PPP3CA: variants seen among roughly 807,000 people sequenced by gnomAD.
PPP3CA encodes protein phosphatase 3 catalytic subunit alpha, also known as CAM-PRP catalytic subunit.
A neutral mutation model predicts 66.5 loss-of-function variants in PPP3CA; 14 were observed. That is an observed-to-expected ratio of 0.21 (90% CI 0.14 to 0.33). The LOEUF (loss-of-function observed/expected upper bound fraction) is 0.33, where lower values mean the gene tolerates loss of function less well. Ranked by LOEUF, PPP3CA falls within the 10% of genes least tolerant of loss-of-function variation. The probability of loss-of-function intolerance (pLI) is 1.00; values close to 1 mark genes in which losing one functional copy is unlikely to be tolerated. For missense variants in PPP3CA, 317 were observed against 639.5 expected, an observed-to-expected ratio of 0.50 and a Z score of 5.44; for synonymous variants, 232 against 226.2, an observed-to-expected ratio of 1.03 and a Z score of -0.23.
chr4:101,075,238 C>G (rs1352715233), intron 8 of PPP3CA, among the ~76,000 whole-genome samples: 1 of 152,138 alleles, frequency 6.6e-6, no homozygotes, highest in South Asian at 2.1e-4. Flanking sequence ...CTTATAAAAG[C>G]AATTTTCTAC....
chr4:101,315,724 T>G (rs1728864577), intron 1 of PPP3CA, among the ~76,000 whole-genome samples: 1 of 152,196 alleles, frequency 6.6e-6, no homozygotes, highest in South Asian at 2.1e-4. Context: ...TAATCTAGCC[T>G]ATAGTTTGGC....
chr4:101,033,899 T>C (rs1014104456), intron 11 of PPP3CA, among the ~76,000 whole-genome samples: 1 of 152,186 alleles, frequency 6.6e-6, no homozygotes, highest in Admixed American at 6.5e-5. Flanking sequence ...CTTCCTTCTT[T>C]TGCTCACCAC....
At chr4:101,183,350 A>C (rs1053547243) in intron 2 of PPP3CA, among the ~76,000 whole-genome samples, 12 of 152,144 alleles carry the variant, frequency 7.9e-5, no homozygotes, top group African/African-American at 2.9e-4. Flanking sequence ...AAAGTAACAC[A>C]TGCTACTTTT....
At chr4:101,232,776 A>C (rs1256604662) in intron 1 of PPP3CA, among the ~76,000 whole-genome samples, 2 of 151,514 alleles carry the variant, frequency 1.3e-5, no homozygotes, top group East Asian at 3.9e-4. Context: ...CATGACCTTA[A>C]ATAAAAACAT....
chr4:101,086,023 G>A (rs1729658366), intron 6 of PPP3CA, among the ~76,000 whole-genome samples: 1 of 152,104 alleles, frequency 6.6e-6, no homozygotes. Flanking sequence ...GCTACAGGGA[G>A]GGGCGGTATA....
At chr4:101,117,435 CACT>C (rs1425179459) in intron 2 of PPP3CA, among the ~76,000 whole-genome samples, 1 of 12,628 alleles carries the variant, frequency 7.9e-5, no homozygotes, top group African/African-American at 3.4e-4. Context: ...GTGTTCTCAC[CACT>C]GAGATTTTTT....
chr4:101,124,663 CAGAAAGAAAGAAAGAAAG>C lies in PPP3CA; in HGVS notation c.260-15603_260-15586del, dbSNP rs1288558580. On this transcript the variant is annotated intron_variant, in intron 2 of 13. Transcript: ENST00000394854. ...AGAAAGAAAGAGAGGGAGAGAGAGA[CAGAAAGAAAGAAAGAAAG>C]AAAGAAAGAAAGAAAGAAAGAAAGA... 3.2e-3 allele frequency among the ~76,000 whole-genome samples: 177 copies of C among 55,226 alleles called. 3 individuals carry two copies. The highest frequency in any genetic ancestry group is 0.011 in the African/African-American group (172 of 15,836). The allele number at this position is 55,226 out of a possible 152,430, so 36.2% of individuals were successfully genotyped here.
At chr4:101,272,440 G>T (rs778135752) in intron 1 of PPP3CA, among the ~76,000 whole-genome samples, 1 of 152,134 alleles carries the variant, frequency 6.6e-6, no homozygotes, top group South Asian at 2.1e-4. Flanking sequence ...TACAAGATAC[G>T]TAGGACAATA....
chr4:101,044,488 T>G (rs529988390), intron 10 of PPP3CA, among the ~76,000 whole-genome samples: 2 of 152,328 alleles, frequency 1.3e-5, no homozygotes, highest in African/African-American at 4.8e-5. Flanking sequence ...AAATGAAAAC[T>G]GTGGTGATTT....
intron 1 of PPP3CA, among the ~76,000 whole-genome samples, chr4:101,334,609 T>C (rs950690951): frequency 6.6e-6 from 1 of 152,168 alleles, no homozygotes; most frequent in Admixed American, 6.5e-5. Context: ...ACTTCTGAAA[T>C]ATCTATCAAA....
chr4:101,127,622 G>A (rs1202235036), intron 2 of PPP3CA, among the ~76,000 whole-genome samples: 1 of 152,152 alleles, frequency 6.6e-6, no homozygotes, highest in Non-Finnish European at 1.5e-5. Context: ...CTCCAGAACT[G>A]TGAGACAATA....
intron 11 of PPP3CA, among the ~76,000 whole-genome samples, chr4:101,037,012 A>C (rs1727283520): frequency 6.6e-6 from 1 of 152,064 alleles, no homozygotes; most frequent in South Asian, 2.1e-4. Context: ...CAGGAAAGAG[A>C]TATATTAAAG....
chr4:101,050,713 G>A (rs1219102278), intron 10 of PPP3CA, among the ~76,000 whole-genome samples: 2 of 152,182 alleles, frequency 1.3e-5, no homozygotes, highest in African/African-American at 4.8e-5. Context: ...TGGTGGCAGA[G>A]TTAAATAAGT....
In PPP3CA at chr4:101,195,837, G is replaced by A. The variant is rs2659542; in HGVS notation, c.259+79C>T. On this transcript the variant is annotated intron_variant, in intron 2 of 13. Coordinates refer to ENST00000394854, the MANE Select transcript of PPP3CA (RefSeq NM_000944.5). ...TGGGTAAGGTATTTGAAGACTCACT[G>A]GTAACTAGGACTTTTGATTTCATGC... The A allele has an allele frequency of 0.14, 177,624 of 1,263,552 alleles. 20,462 individuals are homozygous for A. The highest frequency in any genetic ancestry group is 0.53 in the African/African-American group (35,195 of 66,358). The allele number at this position is 1,263,552 out of a possible 1,614,324, so 78.3% of individuals were successfully genotyped here.
At chr4:101,152,665 T>C (rs756645070) in intron 2 of PPP3CA, among the ~76,000 whole-genome samples, 37 of 152,230 alleles carry the variant, frequency 2.4e-4, no homozygotes, top group Non-Finnish European at 4.6e-4. Flanking sequence ...TGTACAACTC[T>C]TTCTCCTTAT....
intron 2 of PPP3CA, among the ~76,000 whole-genome samples, chr4:101,124,717 G>GAA (rs1361972648): frequency 2.5e-5 from 2 of 80,876 alleles, no homozygotes; most frequent in African/African-American, 9.2e-5. Context: ...AAGAAAGAAA[G>GAA]AAAGAAAGAG....
At chr4:101,280,122 AC>A (rs1387781783) in intron 1 of PPP3CA, among the ~76,000 whole-genome samples, 11 of 152,234 alleles carry the variant, frequency 7.2e-5, no homozygotes, top group African/African-American at 2.2e-4. Flanking sequence ...GACAAAAGTC[AC>A]TGCCCTCTTA....
chr4:101,186,212 A>G (rs1285928740), intron 2 of PPP3CA, among the ~76,000 whole-genome samples: 1 of 152,290 alleles, frequency 6.6e-6, no homozygotes, highest in East Asian at 1.9e-4. Flanking sequence ...GAAAGCTTTG[A>G]CAAAGAGGTA....
chr4:101,149,491 A>T (rs966192102), intron 2 of PPP3CA, among the ~76,000 whole-genome samples: 3 of 152,188 alleles, frequency 2.0e-5, no homozygotes, highest in Admixed American at 6.5e-5. Flanking sequence ...TCTAAGTTAA[A>T]AAATTTTGCT....
Sources: allele counts gnomAD v4.1 joint callset (sites outside exome capture counted in the v4.1 genomes callset), GRCh38; gene constraint gnomAD v4.1.1; transcripts MANE v1.5; gene names NCBI Gene and HGNC (gene_info 2026-07-23, HGNC 2026-07-21).